The following DIP2B variants were observed in gnomAD, a reference collection of about 807,000 sequenced individuals.
The protein encoded by DIP2B is DIP2 acetate--CoA ligase B (putative).
A neutral mutation model predicts 198.0 loss-of-function variants in DIP2B; 76 were observed. The ratio of observed to expected loss-of-function variants is 0.38; its 90% CI spans 0.32 to 0.46. The LOEUF (loss-of-function observed/expected upper bound fraction) is 0.46, where lower values mean the gene tolerates loss of function less well. DIP2B is among the 20% of genes least tolerant of loss of function. The pLI, the probability that DIP2B is intolerant of heterozygous loss-of-function variation, is 0.99. For synonymous variants in DIP2B, 701 were observed against 739.1 expected (o/e 0.95, Z 0.84); for missense variants, 1,559 against 1,978.4 (o/e 0.79, Z 4.02).
intron 4 of DIP2B, 69 bp from the exon 5 acceptor site, chr12:50,671,117 A>G (rs748022912): frequency 2.5e-5 from 37 of 1,483,372 alleles, no homozygotes; most frequent in Non-Finnish European, 3.1e-5. Flanking sequence ...TGTGTGATCA[A>G]TGAGCAAGAA....
Position 50,724,762 on chromosome 12 carries a change from A to G in DIP2B, c.3289-13A>G. The G allele has an allele frequency of 6.2e-7, 1 of 1,612,602 alleles. No homozygotes were observed. The highest frequency in any genetic ancestry group is 8.5e-7 in the Non-Finnish European group (1 of 1,178,774). Reference sequence around the variant, plus strand: ...AGCCTCCTGATGCTTATTGCTGTCCATTTGTTTTCTAGGTCAGCAAAGCAG... The same window carrying G: ...AGCCTCCTGATGCTTATTGCTGTCCGTTTGTTTTCTAGGTCAGCAAAGCAG... On this transcript the variant is annotated splice_polypyrimidine_tract_variant and intron_variant, in intron 27 of 37. Coordinates refer to ENST00000301180, the MANE Select transcript of DIP2B (RefSeq NM_173602.3).
At chr12:50,652,139 C>T (rs1938466240) in intron 3 of DIP2B, among the ~76,000 whole-genome samples, 2 of 151,708 alleles carry the variant, frequency 1.3e-5, no homozygotes, top group South Asian at 4.2e-4. Context: ...TGGTGAAACC[C>T]CATCTCTACT....
chr12:50,671,308 A>G lies in DIP2B; in HGVS notation c.550A>G (p.Thr184Ala), dbSNP rs1174320331. The G allele has an allele frequency of 3.7e-6, 6 of 1,614,190 alleles. No individual in the cohort carries two copies. ...CAACCGTTCAATTCAGGGATCGTCCACTTCTTCATCCGCATCTTCTACGCT... is the reference window on the plus strand; with the variant it reads ...CAACCGTTCAATTCAGGGATCGTCCGCTTCTTCATCCGCATCTTCTACGCT... ...WINRSIQGSS[T>A]SSSASSTLSH... The change falls in exon 5 of 38, where the codon ACT (threonine) becomes GCT (alanine). Residue 184 changes from threonine to alanine, a missense_variant. Coordinates refer to ENST00000301180, the MANE Select transcript of DIP2B (RefSeq NM_173602.3).
At chr12:50,608,641 GAAAGA>G (rs925285815) in intron 1 of DIP2B, among the ~76,000 whole-genome samples, 9 of 145,410 alleles carry the variant, frequency 6.2e-5, no homozygotes, top group South Asian at 2.1e-4. Flanking sequence ...AAAAAAAAAA[GAAAGA>G]AAAGAAAAGA....
At chr12:50,706,425 A>C (rs543722364) in intron 20 of DIP2B, 113 bp from the exon 21 acceptor site, 1 of 1,246,030 alleles carries the variant, frequency 8.0e-7, no homozygotes, top group African/African-American at 1.5e-5. Context: ...AAAATATGGC[A>C]GTTGTGTTTT....
intron 25 of DIP2B, among the ~76,000 whole-genome samples, chr12:50,721,029 G>A (rs1366392911): frequency 6.6e-6 from 1 of 151,906 alleles, no homozygotes; most frequent in East Asian, 1.9e-4. Context: ...GGCTTGTCTT[G>A]AACTCCTGGG....
intron 1 of DIP2B, among the ~76,000 whole-genome samples, chr12:50,610,190 A>C (rs1034470171): frequency 2.0e-5 from 3 of 152,196 alleles, no homozygotes; most frequent in African/African-American, 7.2e-5. Context: ...CCATATGTTG[A>C]TAGCCTTGGA....
At chr12:50,549,936 A>C (rs538207746) in intron 1 of DIP2B, among the ~76,000 whole-genome samples, 63 of 152,194 alleles carry the variant, frequency 4.1e-4, no homozygotes, top group African/African-American at 1.4e-3. Context: ...CAAATTTAAC[A>C]ATCAAGGTAC....
At chr12:50,627,234 C>T (rs1937952562) in intron 2 of DIP2B, among the ~76,000 whole-genome samples, 1 of 152,190 alleles carries the variant, frequency 6.6e-6, no homozygotes, top group Non-Finnish European at 1.5e-5. Context: ...AGCAATAGCT[C>T]AGCAAGAGGT....
At chr12:50,635,812 C>A (rs929373249) in intron 2 of DIP2B, among the ~76,000 whole-genome samples, 1 of 152,158 alleles carries the variant, frequency 6.6e-6, no homozygotes, top group South Asian at 2.1e-4. Context: ...ATTGGAGATA[C>A]ACAAATAAGC....
chr12:50,667,374 G>C (rs1190410511), intron 4 of DIP2B, among the ~76,000 whole-genome samples: 2 of 152,192 alleles, frequency 1.3e-5, no homozygotes, highest in Non-Finnish European at 2.9e-5. Context: ...TAACAGTCAT[G>C]AGTTTATTTT....
chr12:50,684,787 C>CA (rs969308886), intron 10 of DIP2B, among the ~76,000 whole-genome samples: 39 of 149,502 alleles, frequency 2.6e-4, no homozygotes, highest in African/African-American at 9.1e-4. Flanking sequence ...GATCTTGTCT[C>CA]AAAAAAATAA....
At chr12:50,653,346 C>CTTTTTTTTTTTTTTTTTTTTT (rs34185073) in intron 3 of DIP2B, among the ~76,000 whole-genome samples, 4 of 76,640 alleles carry the variant, frequency 5.2e-5, no homozygotes, top group African/African-American at 1.1e-4. Context: ...TTTTTCTTTT[C>CTTTTTTTTTTTTTTTTTTTTT]TTTTTTTTTT....
intron 1 of DIP2B, among the ~76,000 whole-genome samples, chr12:50,580,052 G>A (rs187463067): frequency 1.3e-5 from 2 of 148,544 alleles, no homozygotes; most frequent in East Asian, 4.8e-4. Context: ...ACAGGGAAGG[G>A]CCAACCTTGC....
chr12:50,582,145 GTTTTTTTT>G (rs367699036), intron 1 of DIP2B, among the ~76,000 whole-genome samples: 37 of 77,540 alleles, frequency 4.8e-4, no homozygotes, highest in Admixed American at 1.2e-3. Flanking sequence ...CTTTTTTTCT[GTTTTTTTT>G]TTTTTTTTTT....
At chr12:50,645,928 A>G (rs1593682987) in intron 3 of DIP2B, among the ~76,000 whole-genome samples, 1 of 152,060 alleles carries the variant, frequency 6.6e-6, no homozygotes, top group African/African-American at 2.4e-5. Context: ...TATATACCAA[A>G]CTATTGAGGC....
rs538375206 is a variant in DIP2B at position 50,697,706 on chromosome 12, T to C, written c.2048+531T>C. Among the ~76,000 whole-genome samples the C allele has an allele frequency of 3.3e-5, 5 of 151,908 alleles. No individual in the cohort carries two copies. The South Asian group carries it at 1.0e-3, about 32-fold the overall frequency. On this transcript the variant is annotated intron_variant, in intron 17 of 37. Transcript: ENST00000301180. ...CACCACGCCTGGCTAATTTTTAAAT[T>C]TTTTTGTAGAGATAGGTTCTTGTTA... is the stretch of plus-strand genomic sequence containing the variant.
At chr12:50,702,011 C>T (rs1348623153) in intron 19 of DIP2B, among the ~76,000 whole-genome samples, 1 of 152,038 alleles carries the variant, frequency 6.6e-6, no homozygotes, top group African/African-American at 2.4e-5. Flanking sequence ...TGCCTGTGAT[C>T]CTCGCACTTT....
intron 11 of DIP2B, 136 bp from the exon 12 acceptor site, chr12:50,686,437 A>T (rs910675533): frequency 2.7e-6 from 2 of 740,594 alleles, no homozygotes; most frequent in African/African-American, 3.6e-5. Flanking sequence ...GCCACTAAAA[A>T]CTAATAAAAA....
Sources: allele counts gnomAD v4.1 joint callset (sites outside exome capture counted in the v4.1 genomes callset), GRCh38; gene constraint gnomAD v4.1.1; transcripts MANE v1.5; gene names NCBI Gene and HGNC (gene_info 2026-07-23, HGNC 2026-07-21).